The following CIB1 variants were observed in gnomAD, a reference collection of about 807,000 sequenced individuals.
The protein encoded by CIB1 is calcium and integrin binding 1, also known as calcium and integrin-binding protein 1.
A neutral mutation model predicts 25.0 loss-of-function variants in CIB1; 19 were observed. The observed-to-expected ratio is 0.76, with a 90% CI of 0.53 to 1.12. The LOEUF is 1.12. Among genes scored for constraint, CIB1 ranks in the 50% most tolerant of loss-of-function variants. The pLI is 0.00. For synonymous variants in CIB1, 104 were observed against 98.5 expected (o/e 1.06, Z -0.33); for missense variants, 236 against 242.6 (o/e 0.97, Z 0.18).
the CIB1 span, among the ~76,000 whole-genome samples, chr15:90,239,788 G>C: frequency 6.6e-6 from 1 of 152,210 alleles, no homozygotes; most frequent in South Asian, 2.1e-4. Context: ...GGCAGTGCCT[G>C]GTGGCACATG....
the CIB1 span, among the ~76,000 whole-genome samples, chr15:90,239,300 ATAAAATGTG>A: frequency 8.2e-6 from 1 of 121,956 alleles, no homozygotes; most frequent in Non-Finnish European, 1.7e-5. Context: ...TATATGAGAC[ATAAAATGTG>A]TGTGTGTGTG....
At chr15:90,249,421 GC>G in the CIB1 span, 1 of 152,216 alleles carries the variant, frequency 6.6e-6, no homozygotes, top group Non-Finnish European at 1.5e-5. Context: ...AAGGGCAAAC[GC>G]TGTCTCCCCC....
upstream of CIB1, among the ~76,000 whole-genome samples, chr15:90,235,787 C>G (rs8038370): frequency 0.013 from 2,019 of 152,086 alleles, 11 homozygotes; most frequent in Non-Finnish European, 0.021. Context: ...CCAGGATGGT[C>G]TGGATCTCCT....
At chr15:90,263,401 T>C in the CIB1 span, 1 of 503,694 alleles carries the variant, frequency 2.0e-6, no homozygotes, top group South Asian at 3.1e-5. Context: ...ACTTGCTCTC[T>C]ATATTCCTGT....
the CIB1 span, among the ~76,000 whole-genome samples, chr15:90,251,067 G>C: frequency 2.0e-5 from 3 of 150,628 alleles, no homozygotes; most frequent in African/African-American, 4.9e-5. Flanking sequence ...AACCATTTAG[G>C]CTGGCTCATT....
Position 90,233,665 on chromosome 15 carries a change from T to A in CIB1, c.86+4A>T, listed in dbSNP as rs771817202. 2 of 1,576,686 alleles carry A rather than the reference T, an allele frequency of 1.3e-6. No homozygotes were observed. The highest frequency in any genetic ancestry group is 1.3e-5 in the African/African-American group (1 of 74,124). ...TCGGAGGCAGGGTTCAAGGCAGCAC[T>A]TACAGGAGGATCTCCTGCTTCGTCA... On this transcript the variant is annotated splice_donor_region_variant and intron_variant, in intron 2 of 6. Transcript: ENST00000328649.
chr15:90,246,884 T>G, the CIB1 span, among the ~76,000 whole-genome samples: 1 of 146,848 alleles, frequency 6.8e-6, no homozygotes, highest in South Asian at 2.2e-4. Flanking sequence ...CCTAGAATAG[T>G]CCCTAGAACA....
chr15:90,251,114 C>CTTTTTTTTTTTTTTTT, the CIB1 span, among the ~76,000 whole-genome samples: 12 of 104,670 alleles, frequency 1.1e-4, no homozygotes, highest in African/African-American at 3.0e-4. Context: ...CCTGGTCTGT[C>CTTTTTTTTTTTTTTTT]TTTTTTTTTT....
the CIB1 span, among the ~76,000 whole-genome samples, chr15:90,256,536 CTCCT>C: frequency 6.6e-6 from 1 of 150,520 alleles, no homozygotes; most frequent in African/African-American, 2.4e-5. Context: ...GTGCCTCTGT[CTCCT>C]TCCTTTTTCT....
At chr15:90,250,292 T>G in the CIB1 span, among the ~76,000 whole-genome samples, 1 of 152,114 alleles carries the variant, frequency 6.6e-6, no homozygotes, top group Non-Finnish European at 1.5e-5. Flanking sequence ...TCTTTCCCAA[T>G]TAGGAACAAA....
At chr15:90,256,608 TCC>T in the CIB1 span, among the ~76,000 whole-genome samples, 1 of 55,436 alleles carries the variant, frequency 1.8e-5, no homozygotes, top group Non-Finnish European at 3.2e-5. Flanking sequence ...TTTCTTTCTT[TCC>T]TTCCTTCCTT....
At chr15:90,238,927 A>AAAAAC (rs143396632), upstream of CIB1, among the ~76,000 whole-genome samples, 3,656 of 152,262 alleles carry the variant, frequency 0.024, 137 homozygotes, top group African/African-American at 0.08. Context: ...TGTCTCTACC[A>AAAAAC]AAAACAAAAC....
chr15:90,249,136 A>G, the CIB1 span, among the ~76,000 whole-genome samples: 2 of 146,354 alleles, frequency 1.4e-5, no homozygotes, highest in African/African-American at 5.1e-5. Context: ...GCTTGAGCCC[A>G]GGAGGTCCAG....
In CIB1 at chr15:90,233,655, A is replaced by G; in HGVS notation, c.86+14T>C. On this transcript the variant is annotated intron_variant, in intron 2 of 6. Coordinates refer to ENST00000328649, the MANE Select transcript of CIB1 (RefSeq NM_006384.4). ...GATCCCGGGGTCGGAGGCAGGGTTC[A>G]AGGCAGCACTTACAGGAGGATCTCC... is the stretch of plus-strand genomic sequence containing the variant. 1 of 1,573,998 alleles carries G rather than the reference A, an allele frequency of 6.4e-7. No individual in the cohort carries two copies. The highest frequency in any genetic ancestry group is 8.6e-7 in the Non-Finnish European group (1 of 1,159,484).
chr15:90,237,888 A>G (rs1409427758), upstream of CIB1, among the ~76,000 whole-genome samples: 6 of 152,132 alleles, frequency 3.9e-5, no homozygotes, highest in Non-Finnish European at 8.8e-5. Context: ...GGAGGCAGAC[A>G]TTGCAGTAAG....
intron 2 of CIB1, among the ~76,000 whole-genome samples, chr15:90,232,742 C>T (rs1235197021): frequency 6.6e-6 from 1 of 152,090 alleles, no homozygotes; most frequent in Non-Finnish European, 1.5e-5. Context: ...CCCTTCTCTA[C>T]TAAAAATACA....
At chr15:90,240,515 T>A in the CIB1 span, among the ~76,000 whole-genome samples, 4 of 137,598 alleles carry the variant, frequency 2.9e-5, no homozygotes, top group Non-Finnish European at 4.7e-5. Context: ...CTCAAAAAAA[T>A]AAAAATAAAT....
rs543462400 is a variant in CIB1, at chr15:90,232,315, C to A, written c.99G>T (p.Arg33=). 1 of 1,608,972 alleles carries A rather than the reference C, an allele frequency of 6.2e-7. No homozygotes were observed. Among genetic ancestry groups the A allele is most frequent in the Admixed American group, 1.7e-5 (1 of 59,638 alleles). ...TKQEILLAHR[R]FCELLPQEQR... ...GCTCCTGGGGAAGCAGCTCACAAAA[C>A]CGCCTGTGGGCTCTGGTAGAGAGAG... Residue 33 remains arginine, a synonymous_variant, in exon 3 of 7, where the codon CGG becomes CGT. Coordinates refer to ENST00000328649, the MANE Select transcript of CIB1 (RefSeq NM_006384.4).
the CIB1 span, chr15:90,241,497 T>C: frequency 6.2e-7 from 1 of 1,613,806 alleles, no homozygotes; most frequent in Non-Finnish European, 8.5e-7. Context: ...GCTGCTGAGC[T>C]TACACCCGGG....
Sources: gnomAD v4.1 joint callset for allele counts (sites outside exome capture counted in the v4.1 genomes callset) on GRCh38, gnomAD v4.1.1 for gene constraint, MANE v1.5 for transcripts, NCBI Gene and HGNC (gene_info 2026-07-23, HGNC 2026-07-21) for gene names.